MED13: variants seen among roughly 807,000 people sequenced by gnomAD.
The protein encoded by MED13 is mediator complex subunit 13.
A neutral mutation model predicts 225.2 loss-of-function variants in MED13; 23 were observed. The ratio of observed to expected loss-of-function variants is 0.10; its 90% CI spans 0.07 to 0.14. MED13 has a LOEUF of 0.14. Among genes scored for constraint, MED13 ranks in the 10% least tolerant of loss-of-function variants. The probability of loss-of-function intolerance (pLI) is 1.00; values close to 1 mark genes in which losing one functional copy is unlikely to be tolerated. For synonymous variants in MED13, 942 were observed against 889.2 expected (o/e 1.06, Z -1.06); for missense variants, 2,197 against 2,594.5 (o/e 0.85, Z 3.33).
At chr17:61,958,021 C>G (rs1260515608) in intron 23 of MED13, among the ~76,000 whole-genome samples, 1 of 151,528 alleles carries the variant, frequency 6.6e-6, no homozygotes, top group African/African-American at 2.4e-5. Flanking sequence ...CCCGCCACTA[C>G]GCCCAGCTAA....
In MED13 at chr17:61,946,424, C is replaced by A. The variant is rs749999779; in HGVS notation, c.*44G>T. The A allele has an allele frequency of 4.4e-6, 7 of 1,594,132 alleles. No homozygotes were observed. The East Asian group carries it at 1.1e-4, about 26-fold the overall frequency. ...TAACTTAATCCTGCAGCGAAACATC[C>A]ATTTTTCCTTGTTCTTTTCTTGCAC... is the stretch of plus-strand genomic sequence containing the variant. On this transcript the variant is annotated 3_prime_UTR_variant, in exon 30 of 30. Coordinates refer to ENST00000397786, the MANE Select transcript of MED13 (RefSeq NM_005121.3).
chr17:62,052,423 T>C, intron 3 of MED13, 114 bp downstream of exon 3: 4 of 725,138 alleles, frequency 5.5e-6, no homozygotes, highest in Admixed American at 3.8e-5. Flanking sequence ...ACTCTGTCAC[T>C]GACAACCTCT....
chr17:61,965,392 A>C lies in MED13; in HGVS notation c.4458T>G (p.Ser1486=). 3 of 1,614,224 alleles carry C rather than the reference A, an allele frequency of 1.9e-6. No individual in the cohort carries two copies. The highest frequency in any genetic ancestry group is 2.5e-6 in the Non-Finnish European group (3 of 1,180,018). The stretch of plus-strand genomic sequence containing the variant: ...TTGTCATCTGAGGTGGAGTAATCAA[A>C]GACTGACTTGTAGGGGCAACTAAAT... ...QPNLVAPTSQ[S]LITPPQMTNT... Residue 1486 remains serine, a synonymous_variant, in exon 20 of 30, where the codon TCT becomes TCG. Coordinates refer to ENST00000397786, the MANE Select transcript of MED13 (RefSeq NM_005121.3).
intron 9 of MED13, among the ~76,000 whole-genome samples, chr17:61,997,014 C>T (rs114372731): frequency 0.013 from 1,944 of 152,224 alleles, 37 homozygotes; most frequent in African/African-American, 0.044. Context: ...TTTTTACACA[C>T]TAGAAGGTAC....
intron 8 of MED13, among the ~76,000 whole-genome samples, chr17:62,024,089 C>T (rs1246818059): frequency 6.6e-6 from 1 of 151,880 alleles, no homozygotes; most frequent in African/African-American, 2.4e-5. Flanking sequence ...GCCATCTTGG[C>T]TCACTGCAAC....
rs367567518 is a variant in MED13, at chr17:62,035,602, G to A, written c.477C>T (p.His159=). ...AGAAAAAGGTGAAGGAGCAGGACAA[G>A]TGTTCACTAAAAAAGAAGAAAAAGT... The part of the protein sequence containing the change: ...KDEKPINKSE[H]LSCSFTFFLH... Residue 159 remains histidine (H), a synonymous_variant, in exon 4 of 30, where the codon CAC becomes CAT. Transcript: ENST00000397786. The A allele has an allele frequency of 2.3e-5, 37 of 1,603,730 alleles. No individual in the cohort carries two copies. The highest frequency in any genetic ancestry group is 3.0e-5 in the Non-Finnish European group (35 of 1,177,530).
chr17:61,960,845 A>G (rs778547138), intron 23 of MED13, 22 bp downstream of exon 23: 9 of 1,470,296 alleles, frequency 6.1e-6, no homozygotes, highest in Middle Eastern at 2.3e-4. Flanking sequence ...ATGATATGAT[A>G]TATTTAGGGA....
chr17:62,017,219 T>TAAAAAAA, intron 8 of MED13, among the ~76,000 whole-genome samples: 1 of 84,222 alleles, frequency 1.2e-5, no homozygotes, highest in African/African-American at 4.5e-5. Context: ...ACTAAAATGC[T>TAAAAAAA]AAAAAAAAAA....
At chr17:62,021,368 T>A (rs2080643930) in intron 8 of MED13, among the ~76,000 whole-genome samples, 1 of 138,920 alleles carries the variant, frequency 7.2e-6, no homozygotes, top group African/African-American at 2.7e-5. Context: ...GGCGGGGGGC[T>A]GACCCCTCCC....
chr17:61,977,838 G>A (rs1449334044), intron 16 of MED13, among the ~76,000 whole-genome samples: 2 of 151,956 alleles, frequency 1.3e-5, no homozygotes, highest in African/African-American at 4.8e-5. Flanking sequence ...CAATACTCCC[G>A]CCTCAGCCTC....
At chr17:61,985,216 C>T (rs2080237682) in intron 12 of MED13, 126 bp from the exon 13 acceptor site, 2 of 671,516 alleles carry the variant, frequency 3.0e-6, no homozygotes, top group Non-Finnish European at 5.1e-6. Flanking sequence ...ATCTGTGATA[C>T]AGCCAAATAC....
intron 8 of MED13, among the ~76,000 whole-genome samples, chr17:62,019,775 C>T (rs1239071799): frequency 2.7e-5 from 4 of 150,130 alleles, no homozygotes; most frequent in African/African-American, 7.4e-5. Flanking sequence ...CGGAGCCTCG[C>T]TCTTGTCACC....
intron 24 of MED13, 94 bp downstream of exon 24, chr17:61,956,245 C>T: frequency 8.2e-7 from 1 of 1,215,918 alleles, no homozygotes; most frequent in Non-Finnish European, 1.1e-6. Context: ...ATAACCTTTG[C>T]ATTTTATTCA....
intron 3 of MED13, among the ~76,000 whole-genome samples, chr17:62,036,256 T>C (rs1273459598): frequency 6.6e-6 from 1 of 152,200 alleles, no homozygotes; most frequent in East Asian, 1.9e-4. Context: ...AATCATTTAA[T>C]GCAATCCCCT....
At chr17:61,972,147 T>A (rs1259786637) in intron 17 of MED13, among the ~76,000 whole-genome samples, 1 of 152,160 alleles carries the variant, frequency 6.6e-6, no homozygotes, top group Non-Finnish European at 1.5e-5. Flanking sequence ...TCATTCCAAA[T>A]ATATCTGAAA....
At chr17:61,947,945 G>A (rs779921001) in intron 28 of MED13, among the ~76,000 whole-genome samples, 4 of 152,030 alleles carry the variant, frequency 2.6e-5, no homozygotes, top group African/African-American at 4.8e-5. Flanking sequence ...TCTCTCCTCT[G>A]CAACTGCAAT....
At position 61,990,602 on chromosome 17, in the gene MED13, T is replaced by C. The variant is rs148758234; in HGVS notation, c.2263+1938A>G. Among the ~76,000 whole-genome samples, 163 of 144,170 alleles carry C rather than the reference T, an allele frequency of 1.1e-3. 1 individual carries two copies. The South Asian group carries it at 0.016, about 14-fold the overall frequency. The allele number at this position is 144,170 out of a possible 152,430, so 94.6% of individuals were successfully genotyped here. A position where few individuals can be genotyped will look rare whatever the true frequency, so the allele number is the denominator to read the frequency against. On this transcript the variant is annotated intron_variant, in intron 11 of 29. Coordinates refer to ENST00000397786, the MANE Select transcript of MED13 (RefSeq NM_005121.3). ...TATAGGGTCTCACTATATATATATA[T>C]ACACACACACACTTGGCGCACTGTG...
chr17:62,021,292 G>A (rs1427482551), intron 8 of MED13, among the ~76,000 whole-genome samples: 1 of 150,970 alleles, frequency 6.6e-6, no homozygotes, highest in Non-Finnish European at 1.5e-5. Context: ...TCACCTCCCG[G>A]ACGGGGCGGC....
At position 62,029,633 on chromosome 17, in the gene MED13, T is replaced by C; in HGVS notation, c.1191A>G (p.Ser397=). ...TCGCTTCTTCGCATAGACCACCTGA[T>C]GAAGCAGAATACTTCCTCCTAAGAT... The part of the protein sequence containing the change: ...RAQNKRKYSA[S]SGGLCEEATA... The change falls in exon 8 of 30, where the codon TCA becomes TCG. Residue 397 remains serine, a synonymous_variant. Coordinates refer to ENST00000397786, the MANE Select transcript of MED13 (RefSeq NM_005121.3). 6.2e-7 allele frequency: 1 copy of C among 1,613,166 alleles called. No homozygotes were observed. The highest frequency in any genetic ancestry group is 8.5e-7 in the Non-Finnish European group (1 of 1,179,502).
Sources: allele counts gnomAD v4.1 joint callset (sites outside exome capture counted in the v4.1 genomes callset), GRCh38; gene constraint gnomAD v4.1.1; transcripts MANE v1.5; gene names NCBI Gene and HGNC (gene_info 2026-07-23, HGNC 2026-07-21).